SGCD: variants seen among roughly 807,000 people sequenced by gnomAD.
SGCD encodes the protein delta-sarcoglycan.
A neutral mutation model predicts 36.6 loss-of-function variants in SGCD; 18 were observed. The ratio of observed to expected loss-of-function variants is 0.49; its 90% confidence interval spans 0.34 to 0.73. The LOEUF (loss-of-function observed/expected upper bound fraction) is 0.73, where lower values mean the gene tolerates loss of function less well. Among genes scored for constraint, SGCD ranks in the 30% least tolerant of loss-of-function variants. The probability of loss-of-function intolerance (pLI) is 0.01; values close to 1 mark genes in which losing one functional copy is unlikely to be tolerated. For synonymous variants in SGCD, 133 were observed against 130.6 expected, an observed-to-expected ratio of 1.02 and a Z score of -0.12; for missense variants, 387 against 346.7, an observed-to-expected ratio of 1.12 and a Z score of -0.92.
chr5:155,957,422 A>T (rs1757686577), intron 1 of SGCD, among the ~76,000 whole-genome samples: 1 of 152,254 alleles, frequency 6.6e-6, no homozygotes, highest in South Asian at 2.1e-4. Flanking sequence ...CCTGGCTCCC[A>T]TTCCTCAAGG....
chr5:156,306,078 T>C (rs1767204032), intron 3 of SGCD, among the ~76,000 whole-genome samples: 1 of 152,208 alleles, frequency 6.6e-6, no homozygotes, highest in South Asian at 2.1e-4. Flanking sequence ...AAGTTAATGC[T>C]GAATTGAGTT....
At chr5:155,820,899 A>G in the SGCD span, among the ~76,000 whole-genome samples, 2 of 152,064 alleles carry the variant, frequency 1.3e-5, no homozygotes, top group African/African-American at 4.8e-5. Context: ...CAGGGTTTCA[A>G]TTCTTAAGTC....
At chr5:155,899,553 A>T (rs929873777) in intron 1 of SGCD, among the ~76,000 whole-genome samples, 1 of 152,164 alleles carries the variant, frequency 6.6e-6, no homozygotes. Context: ...GTTTCTTCCC[A>T]TGTGCTGGGA....
At chr5:156,030,860 A>G (rs9687597) in intron 1 of SGCD, among the ~76,000 whole-genome samples, 1 of 152,174 alleles carries the variant, frequency 6.6e-6, no homozygotes, top group East Asian at 1.9e-4. Flanking sequence ...AAATAGAAAC[A>G]CACATAGAAT....
chr5:156,627,555 C>T (rs1371509570), intron 6 of SGCD, among the ~76,000 whole-genome samples: 3 of 152,096 alleles, frequency 2.0e-5, no homozygotes, highest in African/African-American at 4.8e-5. Context: ...TTTTGCTGTA[C>T]AGGTTGAAAA....
Position 156,338,042 on chromosome 5 carries a change from C to T in SGCD, c.4-6447C>T, listed in dbSNP as rs541215955. Among the ~76,000 whole-genome samples, 17 of 152,204 alleles carry T rather than the reference C, an allele frequency of 1.1e-4. No homozygotes were observed. The South Asian group carries it at 3.5e-3, about 32-fold the overall frequency. On this transcript the variant is annotated intron_variant, in intron 2 of 8. Transcript: ENST00000337851. ...GTTAGTAAAATGCCTGTCAATGCCC[C>T]TTCTTTTTCTCAGCTCTGCCTTATG...
intron 4 of SGCD, among the ~76,000 whole-genome samples, chr5:156,570,435 C>G (rs1330544089): frequency 6.6e-6 from 1 of 152,154 alleles, no homozygotes; most frequent in African/African-American, 2.4e-5. Context: ...AAATTTAATG[C>G]TAGCATTTGC....
intron 4 of SGCD, among the ~76,000 whole-genome samples, chr5:156,531,223 C>G (rs1757877243): frequency 6.6e-6 from 1 of 152,174 alleles, no homozygotes; most frequent in South Asian, 2.1e-4. Context: ...AAGGCAACAT[C>G]TTGGTAGCAA....
At chr5:156,090,521 A>G (rs1257529628) in intron 1 of SGCD, among the ~76,000 whole-genome samples, 1 of 152,218 alleles carries the variant, frequency 6.6e-6, no homozygotes, top group African/African-American at 2.4e-5. Flanking sequence ...GGCAAAGGGC[A>G]GAGCAAGATC....
the SGCD span, among the ~76,000 whole-genome samples, chr5:155,862,397 T>C: frequency 6.6e-6 from 1 of 152,164 alleles, no homozygotes; most frequent in Admixed American, 6.5e-5. Context: ...GGCATGATCA[T>C]AGCTCACTGC....
chr5:156,329,701 C>T (rs1767975214), intron 2 of SGCD, 122 bp downstream of exon 2: 2 of 867,400 alleles, frequency 2.3e-6, no homozygotes, highest in South Asian at 4.6e-5. Context: ...GAAGACATTT[C>T]TTTAATTTTA....
At chr5:155,884,372 G>A (rs139150401) in intron 1 of SGCD, among the ~76,000 whole-genome samples, 95 of 152,274 alleles carry the variant, frequency 6.2e-4, no homozygotes, top group African/African-American at 2.1e-3. Context: ...GTCCTGCCCC[G>A]TTCTCTGCCA....
At chr5:156,501,379 AGGGAGTCAG>A (rs758160792) in intron 3 of SGCD, among the ~76,000 whole-genome samples, 28 of 152,226 alleles carry the variant, frequency 1.8e-4, no homozygotes, top group Non-Finnish European at 3.7e-4. Flanking sequence ...ATGGTGACAA[AGGGAGTCAG>A]GGGAAGGAGA....
chr5:156,122,017 C>G (rs951772060), intron 2 of SGCD, among the ~76,000 whole-genome samples: 1 of 152,142 alleles, frequency 6.6e-6, no homozygotes, highest in Non-Finnish European at 1.5e-5. Context: ...AACTAACATT[C>G]ATCTTTTGCA....
At chr5:156,158,581 T>G (rs1763016898) in intron 3 of SGCD, among the ~76,000 whole-genome samples, 1 of 151,458 alleles carries the variant, frequency 6.6e-6, no homozygotes, top group Admixed American at 6.6e-5. Context: ...ATGTTCCACA[T>G]TGGCCACACC....
At chr5:156,486,297 A>G (rs905188287) in intron 3 of SGCD, among the ~76,000 whole-genome samples, 12 of 152,048 alleles carry the variant, frequency 7.9e-5, no homozygotes, top group African/African-American at 2.4e-4. Context: ...GAAACAGGCA[A>G]TGCAGGGTAC....
chr5:156,755,153 T>A (rs1757289955), intron 7 of SGCD, among the ~76,000 whole-genome samples: 1 of 152,160 alleles, frequency 6.6e-6, no homozygotes, highest in African/African-American at 2.4e-5. Flanking sequence ...GATTTGTCCA[T>A]GGTCATTTAG....
intron 3 of SGCD, among the ~76,000 whole-genome samples, chr5:156,232,565 T>G (rs1196764734): frequency 6.6e-6 from 1 of 152,172 alleles, no homozygotes; most frequent in Non-Finnish European, 1.5e-5. Flanking sequence ...TAACCTGTGT[T>G]TCTTTTACTT....
At chr5:156,289,489 GTT>G (rs1410177112) in intron 3 of SGCD, among the ~76,000 whole-genome samples, 1 of 151,620 alleles carries the variant, frequency 6.6e-6, no homozygotes, top group Non-Finnish European at 1.5e-5. Context: ...CCCGTTGTGT[GTT>G]GCTCCCCTCT....
Sources: gnomAD v4.1 joint callset for allele counts (sites outside exome capture counted in the v4.1 genomes callset) on GRCh38, gnomAD v4.1.1 for gene constraint, MANE v1.5 for transcripts, NCBI Gene and HGNC (gene_info 2026-07-23, HGNC 2026-07-21) for gene names.